The following DPP10 variants were observed in gnomAD, a reference collection of about 807,000 sequenced individuals.
DPP10 encodes the protein dipeptidyl peptidase like 10, also known as inactive dipeptidyl peptidase 10.
Under a neutral mutation model 120.9 loss-of-function variants are expected in DPP10, and 33 were observed. That is an observed-to-expected ratio of 0.27 (90% CI 0.21 to 0.37). The LOEUF is 0.37. Among genes scored for constraint, DPP10 ranks in the 10% least tolerant of loss-of-function variants. DPP10 has a pLI of 1.00. For synonymous variants in DPP10, 337 were observed against 326.1 expected, an observed-to-expected ratio of 1.03 and a Z score of -0.36; for missense variants, 816 against 942.8, an observed-to-expected ratio of 0.87 and a Z score of 1.76.
rs533906488 is a variant in DPP10 at position 114,517,012 on chromosome 2, T to C, written c.60+74174T>C. Among the ~76,000 whole-genome samples, 7 of 152,326 alleles carry C rather than the reference T, an allele frequency of 4.6e-5. No homozygotes were observed. In the South Asian group the frequency reaches 1.2e-3, roughly 27 times the overall value. On this transcript the variant is annotated intron_variant, in intron 1 of 25. Coordinates refer to ENST00000410059, the MANE Select transcript of DPP10 (RefSeq NM_020868.6). ...TAATACAATTAGTTTTCCATCAGTT[T>C]CTCTAAATGCATTTTTTTTTTCTAA...
intron 5 of DPP10, among the ~76,000 whole-genome samples, chr2:115,675,419 A>G (rs1559014423): frequency 7.0e-6 from 1 of 142,014 alleles, no homozygotes; most frequent in African/African-American, 2.6e-5. Flanking sequence ...CACCTCCTCC[A>G]CAAAGAAGAA....
chr2:114,626,612 A>G (rs1334013085), intron 1 of DPP10, among the ~76,000 whole-genome samples: 1 of 152,080 alleles, frequency 6.6e-6, no homozygotes, highest in Non-Finnish European at 1.5e-5. Flanking sequence ...CCCATCTAGA[A>G]GCAGATCTAG....
intron 17 of DPP10, among the ~76,000 whole-genome samples, chr2:115,785,247 A>C (rs368738903): frequency 2.6e-5 from 4 of 152,164 alleles, no homozygotes; most frequent in East Asian, 3.9e-4. Context: ...GGCTGAAGGG[A>C]ATCTTCACCC....
At chr2:114,940,971 A>G (rs1696852405) in intron 1 of DPP10, among the ~76,000 whole-genome samples, 3 of 152,160 alleles carry the variant, frequency 2.0e-5, no homozygotes, top group Admixed American at 1.3e-4. Flanking sequence ...GTATTTTACA[A>G]TGGGACTATT....
At chr2:114,463,073 G>T (rs1311713054) in intron 1 of DPP10, among the ~76,000 whole-genome samples, 2 of 152,000 alleles carry the variant, frequency 1.3e-5, no homozygotes, top group Non-Finnish European at 2.9e-5. Context: ...AATGGTTTTT[G>T]AAACCAAGAT....
chr2:115,688,211 C>G (rs905300290), intron 5 of DPP10, among the ~76,000 whole-genome samples: 1 of 152,140 alleles, frequency 6.6e-6, no homozygotes. Flanking sequence ...ACAGCCCTAT[C>G]ACAAAGGCAA....
intron 3 of DPP10, among the ~76,000 whole-genome samples, chr2:115,378,968 G>C (rs2066049327): frequency 6.6e-6 from 1 of 152,086 alleles, no homozygotes; most frequent in Non-Finnish European, 1.5e-5. Flanking sequence ...ATTTTATTGA[G>C]GATTTTTGCA....
intron 1 of DPP10, among the ~76,000 whole-genome samples, chr2:114,448,973 C>T (rs1678102037): frequency 6.6e-6 from 1 of 152,068 alleles, no homozygotes; most frequent in African/African-American, 2.4e-5. Flanking sequence ...GGTTAGAGGC[C>T]TTGCTTTTTG....
At chr2:115,258,767 T>C (rs951706917) in intron 1 of DPP10, among the ~76,000 whole-genome samples, 1 of 152,154 alleles carries the variant, frequency 6.6e-6, no homozygotes, top group Non-Finnish European at 1.5e-5. Context: ...CACACTGGCA[T>C]GCTCCTGTAG....
chr2:115,146,505 T>C (rs1008149514), intron 1 of DPP10, among the ~76,000 whole-genome samples: 1 of 152,064 alleles, frequency 6.6e-6, no homozygotes, highest in East Asian at 1.9e-4. Context: ...GGTGAATATA[T>C]AGTTTTCTAT....
chr2:115,311,397 A>G (rs1055280110), intron 2 of DPP10, among the ~76,000 whole-genome samples: 2 of 152,194 alleles, frequency 1.3e-5, no homozygotes, highest in African/African-American at 4.8e-5. Context: ...AGAAACCATG[A>G]CAAGCAGTGT....
intron 1 of DPP10, among the ~76,000 whole-genome samples, chr2:115,079,722 A>G (rs1708109499): frequency 6.6e-6 from 1 of 152,160 alleles, no homozygotes; most frequent in Non-Finnish European, 1.5e-5. Flanking sequence ...AGTGAGAGAG[A>G]AGTGTCTAGA....
At chr2:114,800,944 A>G (rs1386042830) in intron 1 of DPP10, among the ~76,000 whole-genome samples, 2 of 152,120 alleles carry the variant, frequency 1.3e-5, no homozygotes, top group Non-Finnish European at 2.9e-5. Flanking sequence ...GAATTAAAAA[A>G]AAAAAAATCA....
chr2:114,498,953 G>T (rs1430613963), intron 1 of DPP10, among the ~76,000 whole-genome samples: 2 of 152,184 alleles, frequency 1.3e-5, no homozygotes, highest in African/African-American at 2.4e-5. Flanking sequence ...ATATGCAATG[G>T]AATACTATTC....
At chr2:115,803,856 C>A (rs1432826557) in intron 19 of DPP10, among the ~76,000 whole-genome samples, 2 of 152,104 alleles carry the variant, frequency 1.3e-5, no homozygotes, top group Non-Finnish European at 2.9e-5. Context: ...CTCTGGCTGC[C>A]CTTAACATTT....
At chr2:114,848,489 G>A (rs1427459028) in intron 1 of DPP10, among the ~76,000 whole-genome samples, 1 of 152,140 alleles carries the variant, frequency 6.6e-6, no homozygotes, top group African/African-American at 2.4e-5. Context: ...GTCACAATAA[G>A]AGAGAGTCAG....
intron 5 of DPP10, among the ~76,000 whole-genome samples, chr2:115,662,707 G>T (rs1020070872): frequency 6.6e-6 from 1 of 152,112 alleles, no homozygotes; most frequent in Non-Finnish European, 1.5e-5. Flanking sequence ...GTTACACCCA[G>T]TATCTTTTTT....
chr2:115,645,028 A>G (rs2087116985), intron 5 of DPP10, among the ~76,000 whole-genome samples: 1 of 152,188 alleles, frequency 6.6e-6, no homozygotes, highest in Non-Finnish European at 1.5e-5. Context: ...GGTGAACTGT[A>G]TAGGAACTTG....
At chr2:115,227,339 A>G (rs1196093651) in intron 1 of DPP10, among the ~76,000 whole-genome samples, 1 of 152,208 alleles carries the variant, frequency 6.6e-6, no homozygotes, top group Non-Finnish European at 1.5e-5. Flanking sequence ...TAAATCATGT[A>G]TGAATAGTCT....
Sources: gnomAD v4.1 joint callset for allele counts (sites outside exome capture counted in the v4.1 genomes callset) on GRCh38, gnomAD v4.1.1 for gene constraint, MANE v1.5 for transcripts, NCBI Gene and HGNC (gene_info 2026-07-23, HGNC 2026-07-21) for gene names.